Variants in MICAL2 observed in about 807,000 individuals in gnomAD.
MICAL2 encodes microtubule associated monooxygenase, calponin and LIM domain containing 2.
A neutral mutation model predicts 127.3 loss-of-function variants in MICAL2; 77 were observed. That is an observed-to-expected ratio of 0.60 (90% confidence interval 0.50 to 0.73). The LOEUF (loss-of-function observed/expected upper bound fraction) is 0.73, where lower values mean the gene tolerates loss of function less well. MICAL2 is among the 30% of genes least tolerant of loss of function. The pLI is 0.00. For synonymous variants in MICAL2, 570 were observed against 551.1 expected (o/e 1.03, Z -0.48); for missense variants, 1,351 against 1,434.4 (o/e 0.94, Z 0.94).
intron 1 of MICAL2, among the ~76,000 whole-genome samples, chr11:12,116,067 G>A (rs940236388): frequency 1.3e-5 from 2 of 148,348 alleles, no homozygotes; most frequent in Non-Finnish European, 3.0e-5. Context: ...TGCAAGCTCT[G>A]CCAGGTTCAT....
chr11:12,209,632 G>A, intron 6 of MICAL2, 34 bp downstream of exon 6: 1 of 1,547,076 alleles, frequency 6.5e-7, no homozygotes, highest in African/African-American at 1.4e-5. Context: ...GGGAATGGGG[G>A]GATGGGAATG....
intron 3 of MICAL2, among the ~76,000 whole-genome samples, chr11:12,188,451 C>T (rs1262223260): frequency 2.0e-5 from 3 of 151,800 alleles, no homozygotes; most frequent in African/African-American, 7.3e-5. Context: ...GGGAGAGTGG[C>T]GTGGTTGGCA....
intron 32 of MICAL2, among the ~76,000 whole-genome samples, chr11:12,337,193 T>C (rs1228008513): frequency 1.3e-5 from 2 of 152,214 alleles, no homozygotes; most frequent in Non-Finnish European, 2.9e-5. Context: ...AGGGTGTATG[T>C]GTCGAGGAAT....
chr11:12,273,767 C>T (rs1312095722), upstream of MICAL2, among the ~76,000 whole-genome samples: 1 of 152,052 alleles, frequency 6.6e-6, no homozygotes, highest in Admixed American at 6.5e-5. Flanking sequence ...AGACGGCCAG[C>T]CACAGGGGCA....
chr11:12,349,966 G>C, intron 33 of MICAL2: 2 of 1,599,156 alleles, frequency 1.3e-6, no homozygotes, highest in Non-Finnish European at 1.7e-6. Flanking sequence ...ATACCAGCGA[G>C]TCCTAAAAGC....
chr11:12,130,812 C>CAG (rs1851352751), intron 1 of MICAL2, among the ~76,000 whole-genome samples: 8 of 152,178 alleles, frequency 5.3e-5, no homozygotes, highest in Admixed American at 2.6e-4. Flanking sequence ...TAAGGCCTGG[C>CAG]AGGTCTGCAG....
intron 3 of MICAL2, among the ~76,000 whole-genome samples, chr11:12,165,331 C>T (rs1445256638): frequency 6.6e-6 from 1 of 152,276 alleles, no homozygotes; most frequent in East Asian, 1.9e-4. Context: ...TGAGTCAAAA[C>T]ACAGAACAGG....
At chr11:12,293,272 C>G (rs191748364), downstream of MICAL2, among the ~76,000 whole-genome samples, 1 of 152,292 alleles carries the variant, frequency 6.6e-6, no homozygotes, top group Admixed American at 6.5e-5. Flanking sequence ...ACAGCAGTGT[C>G]CTACCTTTGC....
downstream of MICAL2, chr11:12,358,844 T>A (rs1939169583): frequency 6.3e-6 from 1 of 157,498 alleles, no homozygotes; most frequent in Admixed American, 6.4e-5. Context: ...ACTTTAAGAT[T>A]TTTGAGAAGC....
rs182708375 is a variant in MICAL2, at chr11:12,350,986, C to T, written c.5615+1049C>T. 4.3e-4 allele frequency among the ~76,000 whole-genome samples: 66 copies of T among 152,328 alleles called. 1 individual carries two copies. The highest frequency in any genetic ancestry group is 7.3e-4 in the Non-Finnish European group (50 of 68,028). ...GAGTTTGTGGCTGCATCACTCTAGT[C>T]TCTGCCTCTGTCTTCACACAGCCTT... On this transcript the variant is annotated intron_variant, in intron 33 of 34. Transcript: ENST00000646065.
At chr11:12,234,084 G>A (rs892830650) in intron 15 of MICAL2, among the ~76,000 whole-genome samples, 1 of 152,146 alleles carries the variant, frequency 6.6e-6, no homozygotes, top group Non-Finnish European at 1.5e-5. Context: ...CCCCGTCCAT[G>A]TCCTTTATTC....
At chr11:12,131,371 C>T (rs1034631419) in intron 1 of MICAL2, among the ~76,000 whole-genome samples, 1 of 152,100 alleles carries the variant, frequency 6.6e-6, no homozygotes, top group East Asian at 1.9e-4. Flanking sequence ...CTGCCCATCC[C>T]TCAGTCAGAC....
rs765051434 is a variant in MICAL2, at chr11:12,224,656, C to T, written c.1541-17C>T. ...GATTCCTGCAGAGCCTCACTGCCTG[C>T]GCTCTCCTTCTTGCAGAGTCAGATA... On this transcript the variant is annotated splice_polypyrimidine_tract_variant and intron_variant, in intron 12 of 27. Transcript: ENST00000683283. 8 of 1,610,418 alleles carry T rather than the reference C, an allele frequency of 5.0e-6. No homozygotes were observed. The highest frequency in any genetic ancestry group is 1.7e-4 in the Middle Eastern group (1 of 6,046).
chr11:12,178,119 A>G (rs12293251), intron 3 of MICAL2, among the ~76,000 whole-genome samples: 23,659 of 152,172 alleles, frequency 0.16, 2,860 homozygotes, highest in East Asian at 0.44. Flanking sequence ...TCAATGGCCA[A>G]TGATTTCATC....
chr11:12,125,741 T>C (rs1850867765), intron 1 of MICAL2, among the ~76,000 whole-genome samples: 2 of 152,216 alleles, frequency 1.3e-5, no homozygotes. Flanking sequence ...AAGCAACTGA[T>C]AATAGTGGTG....
chr11:12,145,269 G>C (rs1852771791), intron 2 of MICAL2, among the ~76,000 whole-genome samples: 1 of 152,176 alleles, frequency 6.6e-6, no homozygotes, highest in East Asian at 1.9e-4. Flanking sequence ...ATGCTATCAG[G>C]ACCCAGCATG....
At chr11:12,346,467 A>G (rs1471498128) in intron 32 of MICAL2, among the ~76,000 whole-genome samples, 1 of 152,202 alleles carries the variant, frequency 6.6e-6, no homozygotes, top group Non-Finnish European at 1.5e-5. Flanking sequence ...TTTAAAGTGT[A>G]CATTCTTAAC....
chr11:12,242,400 C>T lies in MICAL2; in HGVS notation c.2524C>T (p.Arg842Trp), dbSNP rs756958104. 12 of 1,609,480 alleles carry T rather than the reference C, an allele frequency of 7.5e-6. No homozygotes were observed. Among genetic ancestry groups the T allele is most frequent in the East Asian group, 2.2e-5 (1 of 44,732 alleles). Reference protein sequence around the residue: ...RAQALSGVLWRLQQVEEKILQ... With the variant: ...RAQALSGVLWWLQQVEEKILQ... The stretch of plus-strand genomic sequence containing the variant: ...GCAGGCTCTTTCCGGGGTGCTGTGG[C>T]GGCTGCAGCAAGTGGAGGAAAAGAT... The change falls in exon 19 of 28, where the codon CGG (arginine) becomes TGG (tryptophan). Residue 842 changes from arginine to tryptophan, a missense_variant. This residue lies in a region of MICAL2 where 752 missense variants were observed against 719.4 expected (regional missense o/e 1.05). Coordinates refer to ENST00000683283, the MANE Select transcript of MICAL2 (RefSeq NM_001282663.2).
intron 3 of MICAL2, among the ~76,000 whole-genome samples, chr11:12,195,480 G>A (rs1411123187): frequency 6.6e-6 from 1 of 152,128 alleles, no homozygotes; most frequent in Admixed American, 6.5e-5. Context: ...TAGGTGGGGA[G>A]TATTTGGATG....
Sources: allele counts gnomAD v4.1 joint callset (sites outside exome capture counted in the v4.1 genomes callset), GRCh38; gene constraint gnomAD v4.1.1; regional missense constraint gnomAD v4.1.1; transcripts MANE v1.5; gene names NCBI Gene and HGNC (gene_info 2026-07-23, HGNC 2026-07-21).